The following TMEM272 variants were observed in gnomAD, a reference collection of about 807,000 sequenced individuals.
The protein encoded by TMEM272 is long intergenic non-protein coding RNA 282.
Under a neutral mutation model 3.7 loss-of-function variants are expected in TMEM272, and 8 were observed. The ratio of observed to expected loss-of-function variants is 2.17; its 90% CI spans 1.27 to 3.91. The LOEUF is 3.91. TMEM272 is among the 30% of genes most tolerant of loss of function. TMEM272 has a pLI of 0.00. For synonymous variants in TMEM272, 63 were observed against 39.8 expected, an observed-to-expected ratio of 1.58 and a Z score of -2.20; for missense variants, 166 against 91.5, an observed-to-expected ratio of 1.81 and a Z score of -3.32.
At chr13:51,900,683 A>C in the TMEM272 span, among the ~76,000 whole-genome samples, 4 of 152,020 alleles carry the variant, frequency 2.6e-5, no homozygotes, top group Non-Finnish European at 4.4e-5. Context: ...CATTATTCAT[A>C]GTAGCCAAAA....
At chr13:51,864,445 G>A in the TMEM272 span, among the ~76,000 whole-genome samples, 2 of 152,200 alleles carry the variant, frequency 1.3e-5, no homozygotes, top group Admixed American at 6.5e-5. Context: ...CCTAGACAAT[G>A]GCATTTAGTC....
At chr13:51,921,904 C>CTGTGTGCGTGTGTG in the TMEM272 span, among the ~76,000 whole-genome samples, 2 of 152,186 alleles carry the variant, frequency 1.3e-5, no homozygotes. Context: ...TCCCCACCCA[C>CTGTGTGCGTGTGTG]TGTGTGCGTG....
At chr13:51,838,676 T>C in intron 1 of TMEM272, 123 bp from the exon 2 acceptor site, 2 of 676,874 alleles carry the variant, frequency 3.0e-6, no homozygotes, top group East Asian at 5.4e-5. Flanking sequence ...CCGGGTGGCC[T>C]GGGTGCCAGT....
chr13:51,834,956 C>A (rs1292604895), intron 2 of TMEM272, among the ~76,000 whole-genome samples: 1 of 152,182 alleles, frequency 6.6e-6, no homozygotes. Context: ...GAGAGCTTGA[C>A]AGAGAGAGTG....
At chr13:51,843,887 T>C (rs1417054429) in intron 1 of TMEM272, among the ~76,000 whole-genome samples, 1 of 152,218 alleles carries the variant, frequency 6.6e-6, no homozygotes, top group Non-Finnish European at 1.5e-5. Flanking sequence ...GCATTTTCAA[T>C]TTTCAGTCCA....
At chr13:51,930,604 A>G in the TMEM272 span, 1 of 152,182 alleles carries the variant, frequency 6.6e-6, no homozygotes. Flanking sequence ...GTGGCTGCTT[A>G]AAGCATTTCT....
At chr13:51,858,234 A>G in the TMEM272 span, among the ~76,000 whole-genome samples, 1 of 152,196 alleles carries the variant, frequency 6.6e-6, no homozygotes, top group Non-Finnish European at 1.5e-5. Flanking sequence ...TAAAGACTCA[A>G]CCTAATTCAG....
the TMEM272 span, among the ~76,000 whole-genome samples, chr13:51,873,749 C>A: frequency 6.6e-6 from 1 of 152,182 alleles, no homozygotes; most frequent in African/African-American, 2.4e-5. Flanking sequence ...TCTGAAGAGC[C>A]TTTCCTGACC....
At chr13:51,822,649 T>G (rs1185913259) in intron 3 of TMEM272, among the ~76,000 whole-genome samples, 2 of 152,216 alleles carry the variant, frequency 1.3e-5, no homozygotes, top group Admixed American at 1.3e-4. Flanking sequence ...CAGCAAGCCC[T>G]CTGCCGTGTT....
chr13:51,882,141 C>T, the TMEM272 span, among the ~76,000 whole-genome samples: 1 of 152,174 alleles, frequency 6.6e-6, no homozygotes, highest in Non-Finnish European at 1.5e-5. Context: ...CATAAATTAG[C>T]CACTCATTTA....
At chr13:51,873,702 C>T in the TMEM272 span, among the ~76,000 whole-genome samples, 1 of 152,168 alleles carries the variant, frequency 6.6e-6, no homozygotes, top group Non-Finnish European at 1.5e-5. Context: ...GATGAGCTCA[C>T]ATTCATCCTT....
the TMEM272 span, among the ~76,000 whole-genome samples, chr13:51,912,335 A>C: frequency 6.6e-6 from 1 of 152,286 alleles, no homozygotes; most frequent in African/African-American, 2.4e-5. Flanking sequence ...TGCTGCTACC[A>C]GTGGCTGTTC....
the TMEM272 span, among the ~76,000 whole-genome samples, chr13:51,894,906 C>T: frequency 6.6e-6 from 1 of 151,810 alleles, no homozygotes; most frequent in East Asian, 1.9e-4. Flanking sequence ...ACTAGATGGT[C>T]CCATCTGGGG....
the TMEM272 span, among the ~76,000 whole-genome samples, chr13:51,876,241 C>T: frequency 1.3e-5 from 2 of 152,208 alleles, no homozygotes; most frequent in African/African-American, 4.8e-5. Context: ...GACCTCTTTC[C>T]AAATTATGTT....
intron 4 of TMEM272, among the ~76,000 whole-genome samples, chr13:51,820,154 C>T (rs1361595617): frequency 1.3e-5 from 2 of 152,188 alleles, no homozygotes; most frequent in South Asian, 2.1e-4. Context: ...CACACACAGC[C>T]TACTTAATTC....
chr13:51,827,348 C>T (rs1956135076), intron 2 of TMEM272, among the ~76,000 whole-genome samples: 1 of 152,186 alleles, frequency 6.6e-6, no homozygotes, highest in Non-Finnish European at 1.5e-5. Context: ...CATCCGGAAG[C>T]CGTTTTCCTC....
At chr13:51,921,732 T>G in the TMEM272 span, 1 of 152,268 alleles carries the variant, frequency 6.6e-6, no homozygotes, top group Non-Finnish European at 1.5e-5. Context: ...TGCTCTACCT[T>G]CAAGCCGTCA....
At chr13:51,888,191 A>T in the TMEM272 span, among the ~76,000 whole-genome samples, 1 of 151,336 alleles carries the variant, frequency 6.6e-6, no homozygotes, top group African/African-American at 2.4e-5. Flanking sequence ...GATTACAGGC[A>T]CCCACCACCA....
chr13:51,836,553 G>A (rs1413968213), intron 2 of TMEM272, among the ~76,000 whole-genome samples: 1 of 152,104 alleles, frequency 6.6e-6, no homozygotes, highest in Non-Finnish European at 1.5e-5. Context: ...TGCATTCTTG[G>A]CTGGATTACT....
Sources: gnomAD v4.1 joint callset for allele counts (sites outside exome capture counted in the v4.1 genomes callset) on GRCh38, gnomAD v4.1.1 for gene constraint, MANE v1.5 for transcripts, NCBI Gene and HGNC (gene_info 2026-07-23, HGNC 2026-07-21) for gene names.